PPFIA2: variants seen among roughly 807,000 people sequenced by gnomAD.
PPFIA2 encodes PPFI scaffold protein A2.
Under a neutral mutation model 175.5 loss-of-function variants are expected in PPFIA2, and 46 were observed. The ratio of observed to expected loss-of-function variants is 0.26; its 90% CI spans 0.21 to 0.34. The LOEUF is 0.34. Among genes scored for constraint, PPFIA2 ranks in the 10% least tolerant of loss-of-function variants. The pLI is 1.00. For synonymous variants in PPFIA2, 568 were observed against 511.4 expected (o/e 1.11, Z -1.49); for missense variants, 1,179 against 1,506.1 (o/e 0.78, Z 3.60).
At chr12:81,735,357 G>A (rs1281466090) in intron 3 of PPFIA2, among the ~76,000 whole-genome samples, 1 of 151,720 alleles carries the variant, frequency 6.6e-6, no homozygotes, top group Non-Finnish European at 1.5e-5. Flanking sequence ...CAGAGATTGA[G>A]CATATCTTCA....
intron 26 of PPFIA2, chr12:81,282,720 C>A: frequency 4.3e-6 from 1 of 234,576 alleles, no homozygotes; most frequent in East Asian, 8.5e-5. Context: ...TAAATATATA[C>A]AGGAGTGATT....
chr12:81,606,630 T>C (rs2060351696), intron 4 of PPFIA2, among the ~76,000 whole-genome samples: 1 of 152,156 alleles, frequency 6.6e-6, no homozygotes, highest in Non-Finnish European at 1.5e-5. Flanking sequence ...GAAAAGTATC[T>C]GTTCATTTCC....
At chr12:81,556,756 C>T (rs1019198863) in intron 4 of PPFIA2, among the ~76,000 whole-genome samples, 7 of 151,730 alleles carry the variant, frequency 4.6e-5, no homozygotes, top group Non-Finnish European at 1.0e-4. Context: ...AGAAATTCCA[C>T]ATATGGCCTA....
At chr12:81,357,463 C>CA (rs1485022554) in intron 16 of PPFIA2, among the ~76,000 whole-genome samples, 1 of 152,146 alleles carries the variant, frequency 6.6e-6, no homozygotes, top group Non-Finnish European at 1.5e-5. Context: ...CTGTAAAATA[C>CA]AACTACATTA....
intron 3 of PPFIA2, among the ~76,000 whole-genome samples, chr12:81,683,369 T>C (rs547857242): frequency 2.6e-5 from 4 of 152,036 alleles, no homozygotes; most frequent in African/African-American, 7.2e-5. Flanking sequence ...TATATATAGC[T>C]TTCTAACTGT....
chr12:81,738,644 C>T (rs1426350968), intron 3 of PPFIA2, among the ~76,000 whole-genome samples: 2 of 150,298 alleles, frequency 1.3e-5, no homozygotes, highest in Non-Finnish European at 3.0e-5. Flanking sequence ...GAAAAAAATG[C>T]AATTCAAATG....
At chr12:81,498,179 T>A (rs780882857) in intron 4 of PPFIA2, among the ~76,000 whole-genome samples, 4 of 152,190 alleles carry the variant, frequency 2.6e-5, no homozygotes, top group Non-Finnish European at 4.4e-5. Context: ...TACAAAGAGT[T>A]CTCATATACT....
intron 4 of PPFIA2, among the ~76,000 whole-genome samples, chr12:81,499,109 A>G (rs1177527232): frequency 1.3e-5 from 2 of 152,200 alleles, no homozygotes; most frequent in African/African-American, 4.8e-5. Flanking sequence ...TGCCACATTA[A>G]TCTTTGCAGG....
In PPFIA2 at chr12:81,358,075, G is replaced by A; in HGVS notation, c.1773+7C>T. The stretch of plus-strand genomic sequence containing the variant: ...AACTAGAGAAGAGTTGAAGTTAAAA[G>A]ATTAACCTTTGGCTCATCTCTTCGC... On this transcript the variant is annotated splice_region_variant and intron_variant, in intron 16 of 32. Transcript: ENST00000549396. 6.3e-7 allele frequency: 1 copy of A among 1,581,478 alleles called. No homozygotes were observed. Among genetic ancestry groups the A allele is most frequent in the Non-Finnish European group, 8.6e-7 (1 of 1,167,076 alleles).
intron 4 of PPFIA2, among the ~76,000 whole-genome samples, chr12:81,518,826 C>T (rs927984498): frequency 6.6e-6 from 1 of 152,062 alleles, no homozygotes; most frequent in East Asian, 1.9e-4. Context: ...GTAATAAGAG[C>T]TCAATAAATA....
At chr12:81,331,334 A>G (rs955304420) in intron 21 of PPFIA2, among the ~76,000 whole-genome samples, 1 of 152,178 alleles carries the variant, frequency 6.6e-6, no homozygotes, top group African/African-American at 2.4e-5. Flanking sequence ...TGGCTATTCC[A>G]TACAGCCTGG....
At chr12:81,756,091 G>T (rs924779088) in intron 2 of PPFIA2, among the ~76,000 whole-genome samples, 1 of 151,438 alleles carries the variant, frequency 6.6e-6, no homozygotes, top group African/African-American at 2.4e-5. Context: ...AGCAGGCCAT[G>T]CATGAAACCT....
chr12:81,554,999 G>T (rs1404558154), intron 4 of PPFIA2, among the ~76,000 whole-genome samples: 1 of 151,866 alleles, frequency 6.6e-6, no homozygotes, highest in South Asian at 2.1e-4. Flanking sequence ...AGTACAGTTT[G>T]TGATCAAATC....
intron 4 of PPFIA2, among the ~76,000 whole-genome samples, chr12:81,622,418 C>T (rs1267993275): frequency 6.6e-6 from 1 of 152,012 alleles, no homozygotes; most frequent in Non-Finnish European, 1.5e-5. Flanking sequence ...TGCCCAGTAA[C>T]TTTCAGGTTT....
chr12:81,705,272 G>A (rs532914985), intron 3 of PPFIA2, among the ~76,000 whole-genome samples: 11 of 150,118 alleles, frequency 7.3e-5, no homozygotes, highest in South Asian at 4.2e-4. Context: ...GGCCAACACG[G>A]TGAAACCCCA....
intron 4 of PPFIA2, among the ~76,000 whole-genome samples, chr12:81,578,909 G>T (rs1008092925): frequency 1.3e-5 from 2 of 151,760 alleles, no homozygotes; most frequent in Admixed American, 1.3e-4. Context: ...AAGTACAGGA[G>T]AAGGAGACAC....
intron 4 of PPFIA2, among the ~76,000 whole-genome samples, chr12:81,620,432 C>T (rs1567602490): frequency 6.6e-6 from 1 of 150,744 alleles, no homozygotes; most frequent in Non-Finnish European, 1.5e-5. Flanking sequence ...TTTAATGCAT[C>T]TTTTTTTTTG....
At chr12:81,299,173 A>ATAGT in intron 23 of PPFIA2, 128 bp downstream of exon 23, 2 of 1,234,120 alleles carry the variant, frequency 1.6e-6, no homozygotes, top group Non-Finnish European at 2.1e-6. Context: ...TAGTAAGCAA[A>ATAGT]TAGTCCCTTA....
chr12:81,374,625 G>A lies in PPFIA2; in HGVS notation c.1266+9C>T. 6.2e-7 allele frequency: 1 copy of A among 1,607,306 alleles called. No homozygotes were observed. Among genetic ancestry groups the A allele is most frequent in the East Asian group, 2.2e-5 (1 of 44,762 alleles). On this transcript the variant is annotated intron_variant, in intron 11 of 32. Coordinates refer to ENST00000549396, the MANE Select transcript of PPFIA2 (RefSeq NM_003625.5). ...ATATCTAGGTTGACCAGTTGTTCTA[G>A]TGCAGTACCTTGGTTAGGGCTGCAA... is the stretch of plus-strand genomic sequence containing the variant.
Sources: allele counts gnomAD v4.1 joint callset (sites outside exome capture counted in the v4.1 genomes callset), GRCh38; gene constraint gnomAD v4.1.1; transcripts MANE v1.5; gene names NCBI Gene and HGNC (gene_info 2026-07-23, HGNC 2026-07-21).